Variants in AK5 observed in about 807,000 individuals in gnomAD.
AK5 encodes the protein adenylate kinase isoenzyme 5.
A neutral mutation model predicts 69.5 loss-of-function variants in AK5; 27 were observed. The ratio of observed to expected loss-of-function variants is 0.39; its 90% CI spans 0.29 to 0.54. AK5 has a LOEUF of 0.54. AK5 is among the 20% of genes least tolerant of loss of function. AK5 has a pLI of 0.71. For missense variants in AK5, 531 were observed against 700.4 expected (o/e 0.76, Z 2.73); for synonymous variants, 260 against 244.4 (o/e 1.06, Z -0.60).
intron 1 of AK5, chr1:77,282,904 A>C: frequency 5.1e-6 from 5 of 986,038 alleles, no homozygotes; most frequent in Non-Finnish European, 4.8e-6. Flanking sequence ...CCAACCTATC[A>C]AGTGCCACCT....
chr1:77,356,320 T>C (rs1662524041), intron 6 of AK5, among the ~76,000 whole-genome samples: 1 of 152,206 alleles, frequency 6.6e-6, no homozygotes, highest in East Asian at 1.9e-4. Flanking sequence ...AAATATTTGT[T>C]GAGCGAAACA....
chr1:77,466,110 G>A (rs558564884), intron 8 of AK5, among the ~76,000 whole-genome samples: 2 of 152,218 alleles, frequency 1.3e-5, no homozygotes, highest in South Asian at 2.1e-4. Flanking sequence ...TCTGTGCAGC[G>A]TCTTCCCAGC....
At chr1:77,451,570 G>A (rs561424514) in intron 8 of AK5, among the ~76,000 whole-genome samples, 17 of 152,270 alleles carry the variant, frequency 1.1e-4, no homozygotes, top group South Asian at 1.0e-3. Flanking sequence ...GGACCAAAGC[G>A]TATAACGGAT....
At chr1:77,461,710 C>T (rs1219749655) in intron 8 of AK5, among the ~76,000 whole-genome samples, 1 of 149,878 alleles carries the variant, frequency 6.7e-6, no homozygotes, top group Admixed American at 6.7e-5. Flanking sequence ...GTGGAGGTTG[C>T]AGTGAGCAGA....
At position 77,558,660 on chromosome 1, in the gene AK5, C is replaced by CTA. The variant is rs1553164111; in HGVS notation, c.1681_1682dup (p.Ter563SerfsTer22). On this transcript the variant is annotated frameshift_variant, in exon 14 of 14. Transcript: ENST00000354567. LOFTEE classifies it high-confidence loss of function. ...CTTCAACTCTGCACAGCTATTGACT[C>CTA]TATTTTCTGAAGGCAAAAATGCATG... The CTA allele has an allele frequency of 1.9e-6, 3 of 1,592,458 alleles. No individual in the cohort carries two copies. The highest frequency in any genetic ancestry group is 2.2e-5 in the South Asian group (2 of 90,436).
intron 8 of AK5, among the ~76,000 whole-genome samples, chr1:77,479,549 C>T (rs1425478026): frequency 2.0e-5 from 3 of 152,138 alleles, no homozygotes; most frequent in Non-Finnish European, 4.4e-5. Context: ...CAGCTTCTCC[C>T]ACCTTAACAG....
At chr1:77,424,845 C>T (rs1557583023) in intron 8 of AK5, among the ~76,000 whole-genome samples, 1 of 152,088 alleles carries the variant, frequency 6.6e-6, no homozygotes, top group Non-Finnish European at 1.5e-5. Flanking sequence ...TGAACAGAAG[C>T]AATATTTGAA....
intron 13 of AK5, among the ~76,000 whole-genome samples, chr1:77,539,074 T>C: frequency 6.6e-6 from 1 of 152,270 alleles, no homozygotes; most frequent in Non-Finnish European, 1.5e-5. Flanking sequence ...TACAGCCTTA[T>C]GTGAATCAGC....
intron 8 of AK5, among the ~76,000 whole-genome samples, chr1:77,450,503 C>G (rs1033651767): frequency 4.6e-5 from 7 of 152,116 alleles, no homozygotes. Context: ...TATTAAGTGC[C>G]TATCCTGTGC....
At chr1:77,310,078 G>T (rs1449608575) in intron 5 of AK5, among the ~76,000 whole-genome samples, 3 of 152,058 alleles carry the variant, frequency 2.0e-5, no homozygotes, top group Non-Finnish European at 4.4e-5. Context: ...AAAGGTCCAG[G>T]TATTTATTCT....
chr1:77,383,844 G>A (rs1647819945), intron 6 of AK5, among the ~76,000 whole-genome samples: 1 of 152,050 alleles, frequency 6.6e-6, no homozygotes, highest in Non-Finnish European at 1.5e-5. Flanking sequence ...ATGAACTCTA[G>A]TTGAATGAAA....
rs182963302 is a variant in AK5, at chr1:77,425,252, G to C, written c.1059+7537G>C. ...GGGGGAATTTGTTGCCAGCAGACCT[G>C]CCTGGCAAGAAATGTTAAAAGAACT... On this transcript the variant is annotated intron_variant, in intron 8 of 13. Coordinates refer to ENST00000354567, the MANE Select transcript of AK5 (RefSeq NM_174858.3). 2.7e-4 allele frequency among the ~76,000 whole-genome samples: 41 copies of C among 152,246 alleles called. No individual in the cohort carries two copies. The East Asian group carries it at 5.2e-3, about 19-fold the overall frequency.
chr1:77,558,828 T>C lies in AK5; in HGVS notation c.*158T>C. On this transcript the variant is annotated 3_prime_UTR_variant, in exon 14 of 14. Coordinates refer to ENST00000354567, the MANE Select transcript of AK5 (RefSeq NM_174858.3). ...TGTTTGCTTCCCAGCTAGACCTGTGTGAGAGGTGTCTGGAAATCATGCATG... is the reference window on the plus strand; with the variant it reads ...TGTTTGCTTCCCAGCTAGACCTGTGCGAGAGGTGTCTGGAAATCATGCATG... 1.6e-6 allele frequency: 1 copy of C among 615,334 alleles called. No individual in the cohort carries two copies. The highest frequency in any genetic ancestry group is 2.0e-5 in the South Asian group (1 of 50,568). 38.1% of individuals were successfully genotyped at this position (615,334 alleles called of 1,614,324 possible). A position where few individuals can be genotyped will look rare whatever the true frequency, so the allele number is the denominator to read the frequency against.
Position 77,518,548 on chromosome 1 carries a change from A to G in AK5, c.1148-16A>G, listed in dbSNP as rs1657797129. The G allele has an allele frequency of 6.2e-7, 1 of 1,612,890 alleles. No homozygotes were observed. The highest frequency in any genetic ancestry group is 1.7e-5 in the Admixed American group (1 of 59,896). ...CAGACTTGGAATGCATGTCTGACAC[A>G]TGACTTCTTTTCAAGGTGGTCCTGG... On this transcript the variant is annotated splice_polypyrimidine_tract_variant and intron_variant, in intron 10 of 13. Transcript: ENST00000354567.
chr1:77,322,494 T>C (rs1172538932), intron 5 of AK5, among the ~76,000 whole-genome samples: 1 of 152,162 alleles, frequency 6.6e-6, no homozygotes, highest in Admixed American at 6.5e-5. Context: ...ATTTTCTCAA[T>C]CAACTGATGC....
At chr1:77,503,242 G>A (rs922248192) in intron 10 of AK5, among the ~76,000 whole-genome samples, 4 of 152,206 alleles carry the variant, frequency 2.6e-5, no homozygotes, top group African/African-American at 4.8e-5. Flanking sequence ...GGCCTGTGAG[G>A]AAGTGAAATG....
At chr1:77,356,152 C>T (rs1052921475) in intron 6 of AK5, among the ~76,000 whole-genome samples, 7 of 152,138 alleles carry the variant, frequency 4.6e-5, no homozygotes, top group African/African-American at 1.2e-4. Context: ...CTTCTACACT[C>T]GCATAAAGTA....
intron 6 of AK5, among the ~76,000 whole-genome samples, chr1:77,346,666 T>G (rs1661931813): frequency 6.6e-6 from 1 of 152,000 alleles, no homozygotes; most frequent in Non-Finnish European, 1.5e-5. Flanking sequence ...CCACCTAATT[T>G]TTCGTATGTT....
intron 10 of AK5, among the ~76,000 whole-genome samples, chr1:77,513,777 C>G (rs921263558): frequency 1.3e-5 from 2 of 152,124 alleles, no homozygotes; most frequent in African/African-American, 4.8e-5. Context: ...GAGGCGGAGG[C>G]TGGTCCTTAT....
Sources: allele counts gnomAD v4.1 joint callset (sites outside exome capture counted in the v4.1 genomes callset), GRCh38; gene constraint gnomAD v4.1.1; transcripts MANE v1.5; gene names NCBI Gene and HGNC (gene_info 2026-07-23, HGNC 2026-07-21).